Variants in GMEB2 observed in about 807,000 individuals in gnomAD.
GMEB2 encodes glucocorticoid modulatory element binding protein 2.
In GMEB2, 7 loss-of-function variants were observed where a neutral mutation model predicts 45.7. The observed-to-expected ratio is 0.15, with a 90% CI of 0.09 to 0.29. GMEB2 has a LOEUF of 0.29. GMEB2 is among the 10% of genes least tolerant of loss of function. The pLI is 1.00. For missense variants in GMEB2, 582 were observed against 739.2 expected, an observed-to-expected ratio of 0.79 and a Z score of 2.47; for synonymous variants, 322 against 323.6, an observed-to-expected ratio of 1.00 and a Z score of 0.05.
intron 2 of GMEB2, among the ~76,000 whole-genome samples, chr20:63,606,288 C>T (rs190825389): frequency 1.1e-3 from 169 of 151,562 alleles, no homozygotes; most frequent in Middle Eastern, 6.8e-3. Flanking sequence ...AAAAAGATAA[C>T]TTTGCCTTAA....
rs2083188891 is a variant in GMEB2 at position 63,595,522 on chromosome 20, G to A, written c.619+88C>T. ...AGTCCTGGCGTGAGCAAACGCCTGG[G>A]GCCAAGGAGGCCACCCAGGGGCATG... is the stretch of plus-strand genomic sequence containing the variant. On this transcript the variant is annotated intron_variant, in intron 6 of 9. Transcript: ENST00000370077. 4.0e-6 allele frequency: 5 copies of A among 1,262,130 alleles called. No individual in the cohort carries two copies. The South Asian group carries it at 7.0e-5, about 18-fold the overall frequency. The allele number at this position is 1,262,130 out of a possible 1,614,324, so 78.2% of individuals were successfully genotyped here. A position where few individuals can be genotyped will look rare whatever the true frequency, so the allele number is the denominator to read the frequency against.
intron 1 of GMEB2, among the ~76,000 whole-genome samples, chr20:63,621,640 C>G (rs1220574348): frequency 1.5e-4 from 19 of 124,490 alleles, no homozygotes; most frequent in Non-Finnish European, 2.4e-4. Context: ...GCACTCCAGC[C>G]TGGGCAACAA....
At chr20:63,602,810 G>A (rs1422892738) in intron 4 of GMEB2, among the ~76,000 whole-genome samples, 155 bp downstream of exon 4, 1 of 152,122 alleles carries the variant, frequency 6.6e-6, no homozygotes, top group Admixed American at 6.6e-5. Context: ...TGGCCACAGC[G>A]AATTCCTCTT....
At chr20:63,601,389 A>C (rs188239863) in intron 4 of GMEB2, among the ~76,000 whole-genome samples, 50 of 152,290 alleles carry the variant, frequency 3.3e-4, no homozygotes, top group African/African-American at 9.1e-4. Context: ...CTTCCTGAAT[A>C]AATTGCTTTA....
At chr20:63,616,454 T>A (rs544422191) in intron 2 of GMEB2, among the ~76,000 whole-genome samples, 2 of 151,726 alleles carry the variant, frequency 1.3e-5, no homozygotes, top group Admixed American at 6.6e-5. Context: ...CAAAAAAAAA[T>A]AAAAATAACA....
At chr20:63,595,233 C>T (rs1001668023) in intron 6 of GMEB2, among the ~76,000 whole-genome samples, 4 of 145,696 alleles carry the variant, frequency 2.7e-5, no homozygotes, top group East Asian at 2.2e-4. Context: ...TTCCGTAAAC[C>T]GCCAGGTCAG....
intron 5 of GMEB2, among the ~76,000 whole-genome samples, chr20:63,596,039 G>C (rs767176078): frequency 2.0e-5 from 3 of 152,216 alleles, no homozygotes; most frequent in African/African-American, 7.2e-5. Context: ...GGAGGTGCCC[G>C]TCAGAGTCTG....
At chr20:63,606,486 T>C (rs2089520347) in intron 2 of GMEB2, among the ~76,000 whole-genome samples, 1 of 152,088 alleles carries the variant, frequency 6.6e-6, no homozygotes, top group Admixed American at 6.6e-5. Flanking sequence ...TAGCTGGGAC[T>C]ACAGGCGCCC....
chr20:63,612,027 G>C (rs2089575093), intron 2 of GMEB2, among the ~76,000 whole-genome samples: 1 of 152,216 alleles, frequency 6.6e-6, no homozygotes, highest in Non-Finnish European at 1.5e-5. Flanking sequence ...CTGCACTCCA[G>C]TCTGTGCAAC....
intron 2 of GMEB2, among the ~76,000 whole-genome samples, chr20:63,618,917 T>C (rs755318258): frequency 1.3e-5 from 2 of 152,200 alleles, no homozygotes; most frequent in Non-Finnish European, 2.9e-5. Context: ...CACAGTTTCA[T>C]GAAGACTGTC....
At chr20:63,591,149 TG>T (rs11477933) in intron 9 of GMEB2, among the ~76,000 whole-genome samples, 12,714 of 152,248 alleles carry the variant, frequency 0.084, 698 homozygotes, top group African/African-American at 0.15. Context: ...GCAGCACATG[TG>T]GCACATGTGT....
intron 6 of GMEB2, among the ~76,000 whole-genome samples, chr20:63,594,500 G>T (rs2083177464): frequency 6.6e-6 from 1 of 152,188 alleles, no homozygotes; most frequent in African/African-American, 2.4e-5. Flanking sequence ...GACGTGGAAG[G>T]GGGCCCAGGA....
chr20:63,601,256 G>A (rs1411436652), intron 4 of GMEB2, among the ~76,000 whole-genome samples: 1 of 152,178 alleles, frequency 6.6e-6, no homozygotes, highest in South Asian at 2.1e-4. Context: ...AGGCAGTGGG[G>A]TCTTCATCCA....
intron 2 of GMEB2, among the ~76,000 whole-genome samples, chr20:63,616,687 C>A (rs1368136421): frequency 6.6e-6 from 1 of 152,192 alleles, no homozygotes; most frequent in Admixed American, 6.5e-5. Flanking sequence ...CCTCTGCCAG[C>A]AGGAATGAGG....
In GMEB2 at chr20:63,619,252, G is replaced by C; in HGVS notation, c.131+15C>G. The C allele has an allele frequency of 1.1e-5, 17 of 1,600,828 alleles. No homozygotes were observed. The highest frequency in any genetic ancestry group is 1.3e-5 in the Non-Finnish European group (15 of 1,174,970). The stretch of plus-strand genomic sequence containing the variant: ...AGCCCCCATCAGCCCCAATGGCACC[G>C]AGGCCCGAGCTTACCCGTGAGGGGC... On this transcript the variant is annotated intron_variant, in intron 2 of 9. Transcript: ENST00000370077. The surrounding 1 kb of genome is among the most constrained non-coding windows in gnomAD (Gnocchi z 4.6).
At chr20:63,604,906 T>C in intron 2 of GMEB2, 66 bp from the exon 3 acceptor site, 1 of 894,130 alleles carries the variant, frequency 1.1e-6, no homozygotes. Context: ...CAGGGCACTA[T>C]TTTCCTGACA....
At chr20:63,595,009 A>G (rs945960280) in intron 6 of GMEB2, among the ~76,000 whole-genome samples, 5 of 152,370 alleles carry the variant, frequency 3.3e-5, no homozygotes, top group South Asian at 4.1e-4. Context: ...TGCTGGGGTT[A>G]CAGGTGTGAG....
At chr20:63,605,532 A>C (rs1430380608) in intron 2 of GMEB2, among the ~76,000 whole-genome samples, 1 of 151,540 alleles carries the variant, frequency 6.6e-6, no homozygotes, top group Non-Finnish European at 1.5e-5. Context: ...AAATTAAAAA[A>C]AAAAAAAAAA....
At chr20:63,600,618 T>C (rs972200185) in intron 4 of GMEB2, among the ~76,000 whole-genome samples, 1 of 145,828 alleles carries the variant, frequency 6.9e-6, no homozygotes, top group Non-Finnish European at 1.5e-5. Context: ...CTCAGGAGGC[T>C]GAGGCAAGAG....
Sources: gnomAD v4.1 joint callset for allele counts (sites outside exome capture counted in the v4.1 genomes callset) on GRCh38, gnomAD v4.1.1 for gene constraint, Gnocchi (gnomAD v3.1) non-coding constraint, MANE v1.5 for transcripts, NCBI Gene and HGNC (gene_info 2026-07-23, HGNC 2026-07-21) for gene names.